The following PLXNA4 variants were observed in gnomAD, a reference collection of about 807,000 sequenced individuals.
PLXNA4 encodes plexin-A4.
A neutral mutation model predicts 191.8 loss-of-function variants in PLXNA4; 44 were observed. The ratio of observed to expected loss-of-function variants is 0.23; its 90% CI spans 0.18 to 0.29. The LOEUF (loss-of-function observed/expected upper bound fraction) is 0.29, where lower values mean the gene tolerates loss of function less well. Ranked by LOEUF, PLXNA4 falls within the 10% of genes least tolerant of loss-of-function variation. The pLI is 1.00. For synonymous variants in PLXNA4, 1,082 were observed against 1,009.5 expected (o/e 1.07, Z -1.36); for missense variants, 1,800 against 2,488.8 (o/e 0.72, Z 5.89).
At chr7:132,264,780 C>T (rs139793784) in intron 4 of PLXNA4, among the ~76,000 whole-genome samples, 1,707 of 151,930 alleles carry the variant, frequency 0.011, 28 homozygotes, top group African/African-American at 0.039. Context: ...TCACTGCAAC[C>T]GCCGCCTCCT....
At chr7:132,384,774 AC>A in intron 3 of PLXNA4, 1 of 1,109,968 alleles carries the variant, frequency 9.0e-7, no homozygotes, top group Non-Finnish European at 1.1e-6. Flanking sequence ...ACACACACAC[AC>A]ACACACACAC....
intron 3 of PLXNA4, chr7:132,384,961 T>C (rs906488158): frequency 7.4e-7 from 1 of 1,346,322 alleles, no homozygotes; most frequent in Admixed American, 3.2e-5. Context: ...TTGTCCAAAA[T>C]TACCCATGGG....
At chr7:132,594,493 G>T (rs142928454) in intron 2 of PLXNA4, among the ~76,000 whole-genome samples, 1 of 152,150 alleles carries the variant, frequency 6.6e-6, no homozygotes, top group African/African-American at 2.4e-5. Context: ...TAATGGGCTC[G>T]TTTTCTATAA....
rs1465636459 is a variant in PLXNA4 at position 132,239,795 on chromosome 7, T to TA, written c.1604+1270dup. Among the ~76,000 whole-genome samples, 3 of 152,326 alleles carry TA rather than the reference T, an allele frequency of 2.0e-5. No homozygotes were observed. In the East Asian group the frequency reaches 5.8e-4, roughly 29 times the overall value. ...CACAGTTTCTGATCTGTCTGTGAGT[T>TA]ATGTATGTTTCAGACAAGACTGGGC... On this transcript the variant is annotated intron_variant, in intron 5 of 31. Coordinates refer to ENST00000321063, the MANE Select transcript of PLXNA4 (RefSeq NM_020911.2).
At chr7:132,565,750 CT>C (rs1353220674) in intron 1 of PLXNA4, among the ~76,000 whole-genome samples, 2 of 151,778 alleles carry the variant, frequency 1.3e-5, no homozygotes, top group African/African-American at 4.8e-5. Flanking sequence ...AATAGGATTC[CT>C]TTTTTTGAAA....
chr7:132,154,319 G>T (rs1336621259), intron 25 of PLXNA4, among the ~76,000 whole-genome samples: 1 of 152,166 alleles, frequency 6.6e-6, no homozygotes, highest in Admixed American at 6.5e-5. Context: ...CACCGGAGAA[G>T]AGCTGGGAGA....
At chr7:132,501,248 A>G (rs1798238138) in intron 2 of PLXNA4, among the ~76,000 whole-genome samples, 1 of 152,182 alleles carries the variant, frequency 6.6e-6, no homozygotes, top group South Asian at 2.1e-4. Context: ...GAGGAGAGAA[A>G]CAGAGAAAGC....
intron 5 of PLXNA4, among the ~76,000 whole-genome samples, chr7:132,238,848 C>T (rs145610040): frequency 6.6e-6 from 1 of 152,238 alleles, no homozygotes; most frequent in East Asian, 1.9e-4. Flanking sequence ...ACAGTCCTTC[C>T]CCAGCCTTGT....
intron 3 of PLXNA4, among the ~76,000 whole-genome samples, chr7:132,376,821 C>G (rs1563065235): frequency 6.6e-6 from 1 of 152,206 alleles, no homozygotes; most frequent in Non-Finnish European, 1.5e-5. Flanking sequence ...TCCTGCCTGG[C>G]CCCACCTGCA....
rs78227668 is a variant in PLXNA4, at chr7:132,260,518, G to C, written c.1504-19352C>G. On this transcript the variant is annotated intron_variant, in intron 4 of 31. Transcript: ENST00000321063. The stretch of plus-strand genomic sequence containing the variant: ...AACAGACGCCAGGGAGTACTAGAGT[G>C]GGGAGGATGAAAGGGGGCTGAGGGT... 3.6e-3 allele frequency among the ~76,000 whole-genome samples: 554 copies of C among 152,250 alleles called. 2 individuals are homozygous for C. Among genetic ancestry groups the C allele is most frequent in the Non-Finnish European group, 5.1e-3 (347 of 68,020 alleles).
intron 2 of PLXNA4, among the ~76,000 whole-genome samples, chr7:132,502,572 C>T (rs1478397661): frequency 2.0e-5 from 3 of 152,164 alleles, no homozygotes; most frequent in Non-Finnish European, 4.4e-5. Flanking sequence ...AAACGCCCTA[C>T]AATATCAGGC....
chr7:132,270,238 C>T (rs1488018895), intron 4 of PLXNA4, among the ~76,000 whole-genome samples: 1 of 152,126 alleles, frequency 6.6e-6, no homozygotes, highest in Non-Finnish European at 1.5e-5. Context: ...AATTGCCGTG[C>T]CTGGGACTCC....
At chr7:132,626,423 A>G (rs1172671694) in intron 2 of PLXNA4, among the ~76,000 whole-genome samples, 1 of 152,144 alleles carries the variant, frequency 6.6e-6, no homozygotes, top group African/African-American at 2.4e-5. Context: ...AATCCCCAGT[A>G]TTGGAGGTTG....
chr7:132,565,855 G>T (rs1488809563), intron 1 of PLXNA4, among the ~76,000 whole-genome samples: 2 of 152,184 alleles, frequency 1.3e-5, no homozygotes, highest in South Asian at 4.1e-4. Flanking sequence ...TGTTGTCAGG[G>T]TTTTCCTTTC....
At chr7:132,137,462 A>G (rs1795145461) in intron 30 of PLXNA4, among the ~76,000 whole-genome samples, 2 of 152,210 alleles carry the variant, frequency 1.3e-5, no homozygotes, top group Non-Finnish European at 2.9e-5. Flanking sequence ...TGACACAAAA[A>G]CTACAACTAA....
At chr7:132,411,618 C>A (rs528432765) in intron 3 of PLXNA4, among the ~76,000 whole-genome samples, 40 of 152,152 alleles carry the variant, frequency 2.6e-4, no homozygotes, top group African/African-American at 9.7e-4. Flanking sequence ...TGAGCACGAG[C>A]CTTCTGAGTC....
At position 132,128,585 on chromosome 7, in the gene PLXNA4, T is replaced by A. The variant is rs1794843739; in HGVS notation, c.*1894A>T. Reference sequence around the variant, plus strand: ...TCCTACAAAGGACAAGAAATCCTTTTGAGCTTTCCGCCTACACCTGGGGCA... The same window carrying A: ...TCCTACAAAGGACAAGAAATCCTTTAGAGCTTTCCGCCTACACCTGGGGCA... On this transcript the variant is annotated 3_prime_UTR_variant, in exon 32 of 32. Coordinates refer to ENST00000321063, the MANE Select transcript of PLXNA4 (RefSeq NM_020911.2). The A allele has an allele frequency of 6.6e-6, 1 of 152,244 alleles. No homozygotes were observed. Among genetic ancestry groups the A allele is most frequent in the South Asian group, 2.1e-4 (1 of 4,830 alleles). 9.4% of individuals were successfully genotyped at this position (152,244 alleles called of 1,614,324 possible).
At chr7:132,484,636 C>G (rs1318195383) in intron 3 of PLXNA4, 2 of 1,090,048 alleles carry the variant, frequency 1.8e-6, no homozygotes, top group Non-Finnish European at 2.5e-6. Context: ...AACAGAACTA[C>G]CTGACCGAAC....
chr7:132,605,240 C>T (rs759512405), intron 2 of PLXNA4, among the ~76,000 whole-genome samples: 16 of 152,198 alleles, frequency 1.1e-4, no homozygotes, highest in African/African-American at 1.9e-4. Context: ...CAAATCCATG[C>T]GGCGGTGTGC....
Sources: gnomAD v4.1 joint callset for allele counts (sites outside exome capture counted in the v4.1 genomes callset) on GRCh38, gnomAD v4.1.1 for gene constraint, MANE v1.5 for transcripts, NCBI Gene and HGNC (gene_info 2026-07-23, HGNC 2026-07-21) for gene names.